Variants in FUT8 observed in about 807,000 individuals in gnomAD.
The protein encoded by FUT8 is alpha-(1,6)-fucosyltransferase.
In FUT8, 29 loss-of-function variants were observed where a neutral mutation model predicts 71.3. The observed-to-expected ratio is 0.41, with a 90% CI of 0.30 to 0.55. FUT8 has a LOEUF of 0.55. Among genes scored for constraint, FUT8 ranks in the 20% least tolerant of loss-of-function variants. FUT8 has a pLI of 0.34. For synonymous variants in FUT8, 254 were observed against 239.3 expected, an observed-to-expected ratio of 1.06 and a Z score of -0.57; for missense variants, 544 against 702.1, an observed-to-expected ratio of 0.77 and a Z score of 2.55.
rs1319862387 is a variant in FUT8 at position 65,413,885 on chromosome 14, G to T, written c.-326+671G>T. ...CCTGCAGGATTGAGTGGGTTGTCGG[G>T]TGCAGCACCTGTTCTTTCTTCACAG... is the stretch of plus-strand genomic sequence containing the variant. On this transcript the variant is annotated intron_variant, in intron 1 of 10. Transcript: ENST00000673929. The surrounding 1 kb of genome is among the most constrained non-coding windows in gnomAD (Gnocchi z 4.1). 6.6e-6 allele frequency among the ~76,000 whole-genome samples: 1 copy of T among 152,172 alleles called. No individual in the cohort carries two copies. Among genetic ancestry groups the T allele is most frequent in the Non-Finnish European group, 1.5e-5 (1 of 68,034 alleles).
chr14:65,721,815 C>G lies in FUT8; in HGVS notation c.876C>G (p.Pro292=). ...AAAATGTTCAAGTGGTCGAGCTTCC[C>G]ATTGTAGACAGTCTTCATCCCCGTC... ...KDKNVQVVEL[P]IVDSLHPRPP... is the part of the protein sequence containing the mutation. The change falls in exon 8 of 11, where the codon CCC becomes CCG. Residue 292 remains proline, a synonymous_variant. Coordinates refer to ENST00000673929, the MANE Select transcript of FUT8 (RefSeq NM_001371533.1). 1 of 1,614,078 alleles carries G rather than the reference C, an allele frequency of 6.2e-7. No homozygotes were observed. Among genetic ancestry groups the G allele is most frequent in the East Asian group, 2.2e-5 (1 of 44,878 alleles).
intron 2 of FUT8, among the ~76,000 whole-genome samples, chr14:65,499,254 T>G (rs2066608116): frequency 6.6e-6 from 1 of 152,092 alleles, no homozygotes; most frequent in Non-Finnish European, 1.5e-5. Flanking sequence ...AGCACACTAA[T>G]TTTTTCTTTA....
chr14:65,373,656 T>G, the FUT8 span, among the ~76,000 whole-genome samples: 2 of 152,152 alleles, frequency 1.3e-5, no homozygotes, highest in African/African-American at 2.4e-5. Flanking sequence ...GCCACACCCC[T>G]GTTGCACGTA....
the FUT8 span, among the ~76,000 whole-genome samples, chr14:65,360,122 C>T: frequency 6.6e-6 from 1 of 152,142 alleles, no homozygotes; most frequent in Non-Finnish European, 1.5e-5. Flanking sequence ...TGAGCCACTG[C>T]ACCTGGCCAG....
intron 2 of FUT8, among the ~76,000 whole-genome samples, chr14:65,544,982 C>CCTTCCCCTCCTCTCCTCTTT (rs1435304586): frequency 6.6e-6 from 1 of 151,736 alleles, no homozygotes; most frequent in Admixed American, 6.6e-5. Flanking sequence ...CTCTCCTCTT[C>CCTTCCCCTCCTCTCCTCTTT]CTTCCCCTCC....
chr14:65,649,337 T>A (rs1891253255), intron 6 of FUT8, among the ~76,000 whole-genome samples: 1 of 152,220 alleles, frequency 6.6e-6, no homozygotes, highest in Non-Finnish European at 1.5e-5. Context: ...ATTGTTTTAT[T>A]TTATTTTTAA....
the FUT8 span, among the ~76,000 whole-genome samples, chr14:65,375,744 T>C: frequency 6.6e-6 from 1 of 152,228 alleles, no homozygotes; most frequent in Admixed American, 6.5e-5. Flanking sequence ...AAACTGATGT[T>C]TGTCAGACAT....
At chr14:65,495,198 AC>A (rs1299247769) in intron 2 of FUT8, among the ~76,000 whole-genome samples, 6 of 143,816 alleles carry the variant, frequency 4.2e-5, no homozygotes, top group Non-Finnish European at 7.7e-5. Context: ...AAAAAAAAAA[AC>A]CCAGTAAATT....
intron 3 of FUT8, among the ~76,000 whole-genome samples, chr14:65,592,859 T>G (rs562829845): frequency 2.0e-5 from 3 of 152,194 alleles, no homozygotes; most frequent in Non-Finnish European, 4.4e-5. Flanking sequence ...ACTAGTATCT[T>G]GAGTCATTCT....
chr14:65,364,103 C>T, the FUT8 span, among the ~76,000 whole-genome samples: 1 of 152,188 alleles, frequency 6.6e-6, no homozygotes, highest in Non-Finnish European at 1.5e-5. Flanking sequence ...ATTTACTTTG[C>T]CTCAGTCTCC....
In FUT8 at chr14:65,596,060, G is replaced by A. The variant is rs372288503; in HGVS notation, c.204-19918G>A. ...TTTATCTAATAACAGTAGAAATGAA[G>A]TTTGTAGAATGACCTGACAAACTGG... On this transcript the variant is annotated intron_variant, in intron 3 of 10. Transcript: ENST00000673929. Among the ~76,000 whole-genome samples, 39 of 152,318 alleles carry A rather than the reference G, an allele frequency of 2.6e-4. No individual in the cohort carries two copies. The East Asian group carries it at 6.4e-3, about 25-fold the overall frequency.
At chr14:65,368,581 G>C in the FUT8 span, among the ~76,000 whole-genome samples, 2 of 133,174 alleles carry the variant, frequency 1.5e-5, 1 homozygote, top group Non-Finnish European at 3.3e-5. Flanking sequence ...GAGTGCAGTG[G>C]CGTGATCTCC....
chr14:65,729,454 C>T (rs1895854854), intron 9 of FUT8, among the ~76,000 whole-genome samples: 2 of 151,956 alleles, frequency 1.3e-5, no homozygotes, highest in Non-Finnish European at 2.9e-5. Context: ...ATGACGTATG[C>T]CTAAAATTAT....
chr14:65,620,105 A>G (rs2066978786), intron 5 of FUT8, among the ~76,000 whole-genome samples: 1 of 152,176 alleles, frequency 6.6e-6, no homozygotes, highest in African/African-American at 2.4e-5. Context: ...AGTTTATGAA[A>G]AGGGTACCAA....
chr14:65,553,346 A>C (rs933181467), intron 2 of FUT8, among the ~76,000 whole-genome samples: 1 of 152,136 alleles, frequency 6.6e-6, no homozygotes, highest in Admixed American at 6.5e-5. Flanking sequence ...CCTCCGTCTC[A>C]TCTTTTAAAT....
At chr14:65,646,928 A>G (rs1431962641) in intron 6 of FUT8, among the ~76,000 whole-genome samples, 1 of 152,222 alleles carries the variant, frequency 6.6e-6, no homozygotes, top group Non-Finnish European at 1.5e-5. Context: ...TAGGTTGTCT[A>G]AAAAAGTATT....
At chr14:65,704,673 C>T (rs759640093) in intron 7 of FUT8, among the ~76,000 whole-genome samples, 1 of 152,196 alleles carries the variant, frequency 6.6e-6, no homozygotes, top group African/African-American at 2.4e-5. Context: ...TCTGCAACTT[C>T]TTGGCAAAGC....
In FUT8 at chr14:65,652,630, G is replaced by C. The variant is rs1288787600; in HGVS notation, c.598-16613G>C. Among the ~76,000 whole-genome samples, 1 of 152,026 alleles carries C rather than the reference G, an allele frequency of 6.6e-6. No homozygotes were observed. Among genetic ancestry groups the C allele is most frequent in the African/African-American group, 2.4e-5 (1 of 41,422 alleles). On this transcript the variant is annotated intron_variant, in intron 6 of 10. Transcript: ENST00000673929. This position sits in a 1 kb window ranked among gnomAD's most constrained non-coding sequence, Gnocchi z 4.0. ...TTATTAGGTAAACAACGTGTTCTTAGTGCTTAAGCACTTTTTTTTTTTTTA... is the reference window on the plus strand; with the variant it reads ...TTATTAGGTAAACAACGTGTTCTTACTGCTTAAGCACTTTTTTTTTTTTTA...
At chr14:65,437,761 A>G (rs575954912) in intron 1 of FUT8, among the ~76,000 whole-genome samples, 21 of 152,196 alleles carry the variant, frequency 1.4e-4, no homozygotes, top group Non-Finnish European at 2.8e-4. Context: ...GCAAGGAAGG[A>G]GAACCAAGGA....
Sources: gnomAD v4.1 joint callset for allele counts (sites outside exome capture counted in the v4.1 genomes callset) on GRCh38, gnomAD v4.1.1 for gene constraint, Gnocchi (gnomAD v3.1) non-coding constraint, MANE v1.5 for transcripts, NCBI Gene and HGNC (gene_info 2026-07-23, HGNC 2026-07-21) for gene names.